Variants in OPCML observed in about 807,000 individuals in gnomAD.
OPCML encodes opioid binding protein/cell adhesion molecule like.
A neutral mutation model predicts 37.8 loss-of-function variants in OPCML; 13 were observed. The ratio of observed to expected loss-of-function variants is 0.34; its 90% CI spans 0.22 to 0.55. The LOEUF (loss-of-function observed/expected upper bound fraction) is 0.55, where lower values mean the gene tolerates loss of function less well. Ranked by LOEUF, OPCML falls within the 20% of genes least tolerant of loss-of-function variation. The pLI is 0.91. For synonymous variants in OPCML, 176 were observed against 168.8 expected, an observed-to-expected ratio of 1.04 and a Z score of -0.33; for missense variants, 341 against 435.6, an observed-to-expected ratio of 0.78 and a Z score of 1.93.
rs370606026 is a variant in OPCML, at chr11:132,527,441, G to A, written c.505+1620C>T. On this transcript the variant is annotated intron_variant, in intron 4 of 7. Transcript: ENST00000524381. ...TAGTCTTCCTAGGGATTATATAACGGTATCTCATCTTGGTTTGATTTTTAT... is the reference window on the plus strand; with the variant it reads ...TAGTCTTCCTAGGGATTATATAACGATATCTCATCTTGGTTTGATTTTTAT... Among the ~76,000 whole-genome samples the A allele has an allele frequency of 7.1e-4, 108 of 152,026 alleles. 1 individual carries two copies. In the South Asian group the frequency reaches 7.3e-3, roughly 10 times the overall value.
intron 1 of OPCML, among the ~76,000 whole-genome samples, chr11:133,155,642 T>C (rs1158878019): frequency 6.6e-6 from 1 of 152,196 alleles, no homozygotes; most frequent in Non-Finnish European, 1.5e-5. Flanking sequence ...AATCTATACA[T>C]CTATATGTCT....
intron 1 of OPCML, among the ~76,000 whole-genome samples, chr11:133,429,224 C>T (rs1946067108): frequency 6.6e-6 from 1 of 152,126 alleles, no homozygotes; most frequent in African/African-American, 2.4e-5. Context: ...CAGGAGAGAA[C>T]AGCAACTGCA....
At chr11:132,654,698 C>T (rs1445203770) in intron 3 of OPCML, among the ~76,000 whole-genome samples, 2 of 151,938 alleles carry the variant, frequency 1.3e-5, no homozygotes, top group Non-Finnish European at 2.9e-5. Flanking sequence ...ATGTCATCCC[C>T]AAAAGAAGAT....
Position 133,437,221 on chromosome 11 carries a change from G to C in OPCML, c.61+95043C>G, listed in dbSNP as rs562016226. ...TTATGTATCAGGCAAGCCGAATGCT[G>C]TCATTAGATAGACACACAGAAGGGT... On this transcript the variant is annotated intron_variant, in intron 1 of 7. Transcript: ENST00000524381. 5.9e-5 allele frequency among the ~76,000 whole-genome samples: 9 copies of C among 152,330 alleles called. No homozygotes were observed. The East Asian group carries it at 1.5e-3, about 26-fold the overall frequency.
intron 2 of OPCML, among the ~76,000 whole-genome samples, chr11:132,701,790 GTGT>G (rs1222613962): frequency 3.5e-5 from 5 of 142,722 alleles, no homozygotes; most frequent in Admixed American, 7.0e-5. Context: ...GTGTGTGTGT[GTGT>G]GTGGTGGTGG....
chr11:132,837,783 G>C (rs554464741), intron 2 of OPCML, among the ~76,000 whole-genome samples: 1 of 152,114 alleles, frequency 6.6e-6, no homozygotes, highest in Non-Finnish European at 1.5e-5. Flanking sequence ...AGGGCATGGC[G>C]GGGGAAGGCG....
chr11:133,223,286 T>C (rs1939911175), intron 1 of OPCML, among the ~76,000 whole-genome samples: 1 of 152,150 alleles, frequency 6.6e-6, no homozygotes, highest in African/African-American at 2.4e-5. Context: ...TTACAACCAG[T>C]TCTGGGTACT....
Position 133,194,790 on chromosome 11 carries a change from T to A in OPCML, c.62-251780A>T, listed in dbSNP as rs568554272. The stretch of plus-strand genomic sequence containing the variant: ...ACCTTTTCAGCTTCATCCCCACATT[T>A]TCCCTTCAGAACCTTGCTCCAGGGA... On this transcript the variant is annotated intron_variant, in intron 1 of 7. Coordinates refer to ENST00000524381, the MANE Select transcript of OPCML (RefSeq NM_001012393.5). Among the ~76,000 whole-genome samples, 7 of 152,302 alleles carry A rather than the reference T, an allele frequency of 4.6e-5. No homozygotes were observed. In the South Asian group the frequency reaches 1.5e-3, roughly 32 times the overall value.
chr11:133,382,850 A>G lies in OPCML; in HGVS notation c.61+149414T>C, dbSNP rs770207404. ...CTCCAGATTTATTTCACTGCTTATGAAAGGAGTTTTTAAAACTGCCACATG... is the reference window on the plus strand; with the variant it reads ...CTCCAGATTTATTTCACTGCTTATGGAAGGAGTTTTTAAAACTGCCACATG... On this transcript the variant is annotated intron_variant, in intron 1 of 7. Transcript: ENST00000524381. 2.0e-5 allele frequency among the ~76,000 whole-genome samples: 3 copies of G among 152,212 alleles called. No homozygotes were observed. The South Asian group carries it at 6.2e-4, about 32-fold the overall frequency.
At chr11:132,697,243 A>C (rs1255771205) in intron 2 of OPCML, among the ~76,000 whole-genome samples, 1 of 152,234 alleles carries the variant, frequency 6.6e-6, no homozygotes, top group Non-Finnish European at 1.5e-5. Context: ...GTTAATTAAC[A>C]TATCCATCAC....
chr11:133,104,502 T>C (rs1307708616), intron 1 of OPCML, among the ~76,000 whole-genome samples: 5 of 152,216 alleles, frequency 3.3e-5, no homozygotes, highest in Non-Finnish European at 5.9e-5. Context: ...CATTTCTCCA[T>C]TTTGTGGTGT....
intron 1 of OPCML, among the ~76,000 whole-genome samples, chr11:133,498,534 C>T (rs982252973): frequency 6.6e-6 from 1 of 152,178 alleles, no homozygotes; most frequent in African/African-American, 2.4e-5. Context: ...TCTGGGCCTC[C>T]CAGGGCCTAA....
intron 2 of OPCML, among the ~76,000 whole-genome samples, chr11:132,830,019 A>G (rs1021748526): frequency 3.3e-5 from 5 of 152,318 alleles, no homozygotes; most frequent in Admixed American, 2.6e-4. Flanking sequence ...CTATAGCACA[A>G]TGAATCCGGA....
intron 3 of OPCML, among the ~76,000 whole-genome samples, chr11:132,556,967 CA>C (rs1428105730): frequency 6.6e-6 from 1 of 152,184 alleles, no homozygotes; most frequent in Non-Finnish European, 1.5e-5. Context: ...CTCTTTCTCA[CA>C]AAATATGTGT....
chr11:132,440,820 T>C (rs2096030159), intron 4 of OPCML, among the ~76,000 whole-genome samples: 1 of 152,182 alleles, frequency 6.6e-6, no homozygotes, highest in Admixed American at 6.5e-5. Context: ...CTGGGTGAAA[T>C]TTTTAAAGCA....
intron 3 of OPCML, among the ~76,000 whole-genome samples, chr11:132,563,508 T>C (rs1036802858): frequency 1.3e-5 from 2 of 151,950 alleles, no homozygotes; most frequent in African/African-American, 4.8e-5. Flanking sequence ...CTGATGGAAA[T>C]GTTTTGCAAC....
intron 1 of OPCML, among the ~76,000 whole-genome samples, chr11:133,091,936 G>T (rs1224361677): frequency 6.6e-6 from 1 of 152,180 alleles, no homozygotes; most frequent in Non-Finnish European, 1.5e-5. Context: ...AGGCGTAGGG[G>T]TGGAATTTTA....
At chr11:132,682,074 T>C (rs1224985379) in intron 2 of OPCML, among the ~76,000 whole-genome samples, 1 of 152,138 alleles carries the variant, frequency 6.6e-6, no homozygotes, top group African/African-American at 2.4e-5. Context: ...TTCAGGGGAC[T>C]CAGGTATCCC....
chr11:132,566,971 G>GTC (rs2096424832), intron 3 of OPCML, among the ~76,000 whole-genome samples: 1 of 144,566 alleles, frequency 6.9e-6, no homozygotes, highest in African/African-American at 2.6e-5. Flanking sequence ...CATCAGTTAG[G>GTC]TTTTTTTTTT....
Sources: allele counts gnomAD v4.1 joint callset (sites outside exome capture counted in the v4.1 genomes callset), GRCh38; gene constraint gnomAD v4.1.1; transcripts MANE v1.5; gene names NCBI Gene and HGNC (gene_info 2026-07-23, HGNC 2026-07-21).